Variants in DCC observed in about 807,000 individuals in gnomAD.
The protein encoded by DCC is netrin receptor DCC.
In DCC, 58 loss-of-function variants were observed where a neutral mutation model predicts 172.5. That is an observed-to-expected ratio of 0.34 (90% CI 0.27 to 0.42). DCC has a LOEUF of 0.42. Ranked by LOEUF, DCC falls within the 10% of genes least tolerant of loss-of-function variation. DCC has a pLI of 1.00. For missense variants in DCC, 1,740 were observed against 1,791.0 expected (o/e 0.97, Z 0.51); for synonymous variants, 709 against 644.5 (o/e 1.10, Z -1.52).
intron 12 of DCC, among the ~76,000 whole-genome samples, chr18:53,257,258 G>C (rs2056530224): frequency 6.6e-6 from 1 of 152,140 alleles, no homozygotes; most frequent in East Asian, 1.9e-4. Context: ...TGTTGAATAG[G>C]AGTGGTGAGA....
At chr18:53,126,944 G>C (rs563507984) in intron 7 of DCC, among the ~76,000 whole-genome samples, 19 of 152,198 alleles carry the variant, frequency 1.2e-4, no homozygotes, top group African/African-American at 4.6e-4. Flanking sequence ...ATATGCCTGG[G>C]TTTATGCAAT....
At chr18:53,473,042 C>T (rs1011629910) in intron 25 of DCC, among the ~76,000 whole-genome samples, 1 of 152,102 alleles carries the variant, frequency 6.6e-6, no homozygotes, top group Admixed American at 6.5e-5. Flanking sequence ...CAGTGGATAG[C>T]TCAACCTAAG....
intron 5 of DCC, among the ~76,000 whole-genome samples, chr18:52,978,285 G>A (rs2041155252): frequency 6.6e-6 from 1 of 151,928 alleles, no homozygotes; most frequent in Admixed American, 6.6e-5. Context: ...CAGGAGAGAG[G>A]CAATGCTAGA....
At chr18:52,839,446 C>T (rs117882631) in intron 2 of DCC, among the ~76,000 whole-genome samples, 3,001 of 152,174 alleles carry the variant, frequency 0.02, 61 homozygotes, top group South Asian at 0.05. Context: ...AGCAGTGACG[C>T]GTCAAGTCAT....
chr18:52,604,355 G>A (rs1285642645), intron 1 of DCC, among the ~76,000 whole-genome samples: 10 of 152,036 alleles, frequency 6.6e-5, no homozygotes, highest in Admixed American at 1.3e-4. Context: ...TATCAGTTAT[G>A]GTTTCATTTC....
At chr18:53,240,046 A>C (rs1370307079) in intron 12 of DCC, among the ~76,000 whole-genome samples, 1 of 149,400 alleles carries the variant, frequency 6.7e-6, no homozygotes, top group Non-Finnish European at 1.5e-5. Flanking sequence ...AAAAAAAAAA[A>C]AAAACAACAA....
At chr18:52,538,791 T>C (rs904817753) in intron 1 of DCC, among the ~76,000 whole-genome samples, 2 of 152,214 alleles carry the variant, frequency 1.3e-5, no homozygotes, top group African/African-American at 4.8e-5. Context: ...TAACCTTGAT[T>C]GCAAATTCTT....
At chr18:52,744,308 G>C (rs1357720085) in intron 1 of DCC, among the ~76,000 whole-genome samples, 2 of 152,024 alleles carry the variant, frequency 1.3e-5, no homozygotes, top group African/African-American at 4.8e-5. Context: ...AACTTTGACT[G>C]TTCCTTTTAA....
chr18:52,961,340 A>T, intron 5 of DCC, among the ~76,000 whole-genome samples: 1 of 152,304 alleles, frequency 6.6e-6, no homozygotes, highest in East Asian at 1.9e-4. Flanking sequence ...GCACTAAGAC[A>T]CAATGATAGC....
chr18:53,511,700 G>T (rs2046255592), intron 27 of DCC, among the ~76,000 whole-genome samples: 1 of 152,220 alleles, frequency 6.6e-6, no homozygotes, highest in South Asian at 2.1e-4. Context: ...AGGGGTGACG[G>T]ACGGCACCTG....
chr18:53,283,855 C>A (rs1171684206), intron 12 of DCC, among the ~76,000 whole-genome samples: 1 of 152,054 alleles, frequency 6.6e-6, no homozygotes, highest in East Asian at 1.9e-4. Flanking sequence ...TATAAACTTA[C>A]CTTGCTTCAT....
intron 3 of DCC, among the ~76,000 whole-genome samples, chr18:52,910,160 A>T (rs540924728): frequency 6.6e-6 from 1 of 152,246 alleles, no homozygotes; most frequent in South Asian, 2.1e-4. Flanking sequence ...GAGAAGATCC[A>T]GAAATGATGT....
At chr18:52,530,411 T>A (rs2032114508) in intron 1 of DCC, among the ~76,000 whole-genome samples, 1 of 152,196 alleles carries the variant, frequency 6.6e-6, no homozygotes, top group Non-Finnish European at 1.5e-5. Context: ...AAACCCTACT[T>A]TTACACTTTC....
intron 13 of DCC, among the ~76,000 whole-genome samples, chr18:53,307,893 GTATGTATATATATATATATATA>G (rs1160779983): frequency 0.25 from 24,776 of 97,442 alleles, 4,057 homozygotes; most frequent in Non-Finnish European, 0.33. Flanking sequence ...CAATGTGTGT[GTATGTATATATATATATATATA>G]TATATATATA....
chr18:53,163,596 T>C (rs1236235472), intron 8 of DCC, among the ~76,000 whole-genome samples: 1 of 152,222 alleles, frequency 6.6e-6, no homozygotes, highest in African/African-American at 2.4e-5. Flanking sequence ...TCTTTCTGAC[T>C]TGTTAATGGT....
chr18:52,606,570 T>G (rs1290269516), intron 1 of DCC, among the ~76,000 whole-genome samples: 1 of 152,154 alleles, frequency 6.6e-6, no homozygotes, highest in East Asian at 1.9e-4. Flanking sequence ...TGCCAAAATA[T>G]TCTCAGAAGA....
At chr18:52,628,321 G>T (rs1049218193) in intron 1 of DCC, among the ~76,000 whole-genome samples, 1 of 152,136 alleles carries the variant, frequency 6.6e-6, no homozygotes, top group African/African-American at 2.4e-5. Flanking sequence ...GTCAAGAAAA[G>T]ATTCTGCAAA....
intron 15 of DCC, among the ~76,000 whole-genome samples, chr18:53,345,284 G>A (rs896739924): frequency 1.3e-5 from 2 of 152,020 alleles, no homozygotes; most frequent in Non-Finnish European, 2.9e-5. Context: ...CTTAGTGATT[G>A]CTCTAGGAGA....
intron 1 of DCC, among the ~76,000 whole-genome samples, chr18:52,496,899 G>A (rs1568198027): frequency 6.6e-6 from 1 of 150,764 alleles, no homozygotes; most frequent in African/African-American, 2.4e-5. Context: ...TCTTTCACAT[G>A]AAAAAAAACA....
Sources: gnomAD v4.1 joint callset for allele counts (sites outside exome capture counted in the v4.1 genomes callset) on GRCh38, gnomAD v4.1.1 for gene constraint, MANE v1.5 for transcripts, NCBI Gene and HGNC (gene_info 2026-07-23, HGNC 2026-07-21) for gene names.